The following SEPTIN11 variants were observed in gnomAD, a reference collection of about 807,000 sequenced individuals.
SEPTIN11 encodes septin-11.
In SEPTIN11, 25 loss-of-function variants were observed where a neutral mutation model predicts 51.4. The ratio of observed to expected loss-of-function variants is 0.49; its 90% confidence interval spans 0.35 to 0.68. The LOEUF is 0.68. Ranked by LOEUF, SEPTIN11 falls within the 30% of genes least tolerant of loss-of-function variation. The pLI, the probability that SEPTIN11 is intolerant of heterozygous loss-of-function variation, is 0.00. For synonymous variants in SEPTIN11, 174 were observed against 184.1 expected, an observed-to-expected ratio of 0.95 and a Z score of 0.44; for missense variants, 381 against 520.8, an observed-to-expected ratio of 0.73 and a Z score of 2.61.
At chr4:77,009,713 C>T (rs1363858378) in intron 3 of SEPTIN11, 2 of 152,244 alleles carry the variant, frequency 1.3e-5, no homozygotes, top group Non-Finnish European at 2.9e-5. Context: ...ATTTGGACTA[C>T]TATTGAGAGG....
chr4:76,967,215 T>C (rs1010535426), intron 1 of SEPTIN11, among the ~76,000 whole-genome samples: 3 of 152,116 alleles, frequency 2.0e-5, no homozygotes, highest in Non-Finnish European at 4.4e-5. Context: ...AAAGAAAAAG[T>C]GCTTAACCTG....
At chr4:77,009,254 G>A (rs1560729253) in intron 3 of SEPTIN11, among the ~76,000 whole-genome samples, 1 of 152,224 alleles carries the variant, frequency 6.6e-6, no homozygotes, top group Non-Finnish European at 1.5e-5. Flanking sequence ...TGGTGTGGGT[G>A]GTGGCCCACC....
At chr4:77,026,377 TA>T (rs1201376466) in intron 7 of SEPTIN11, among the ~76,000 whole-genome samples, 3 of 152,176 alleles carry the variant, frequency 2.0e-5, no homozygotes, top group Admixed American at 6.5e-5. Context: ...ACTAGCAAAC[TA>T]GTTGCATCAA....
chr4:77,010,764 G>A (rs1724806225), intron 3 of SEPTIN11, among the ~76,000 whole-genome samples: 1 of 152,188 alleles, frequency 6.6e-6, no homozygotes, highest in African/African-American at 2.4e-5. Flanking sequence ...AGGCAATAAA[G>A]TTTGGGGAGA....
intron 1 of SEPTIN11, 123 bp from the exon 2 acceptor site, chr4:76,996,302 T>TG (rs1247502312): frequency 5.4e-5 from 40 of 735,884 alleles, no homozygotes; most frequent in East Asian, 1.1e-4. Flanking sequence ...AAGGCAGCTG[T>TG]GGAGGGTCTC....
At chr4:76,996,293 A>C in intron 1 of SEPTIN11, 132 bp from the exon 2 acceptor site, 1 of 698,170 alleles carries the variant, frequency 1.4e-6, no homozygotes, top group South Asian at 1.9e-5. Flanking sequence ...GTAGAAGCCA[A>C]GGCAGCTGTG....
chr4:76,971,617 T>C (rs111408186), intron 1 of SEPTIN11, among the ~76,000 whole-genome samples: 20 of 152,340 alleles, frequency 1.3e-4, no homozygotes, highest in African/African-American at 4.3e-4. Flanking sequence ...TAAATCTTTC[T>C]ACGTATTGTG....
chr4:77,023,669 T>A lies in SEPTIN11; in HGVS notation c.953+2999T>A, dbSNP rs115257393. Among the ~76,000 whole-genome samples the A allele has an allele frequency of 5.4e-3, 825 of 152,286 alleles. 7 individuals are homozygous for A. The highest frequency in any genetic ancestry group is 0.019 in the African/African-American group (777 of 41,564). On this transcript the variant is annotated intron_variant, in intron 7 of 9. Transcript: ENST00000264893. ...ATAAGAAATGAATTTGATTTTCCTT[T>A]TCTTGGAAACCACTACTTTTAAAAG... is the stretch of plus-strand genomic sequence containing the variant.
At position 76,949,948 on chromosome 4, in the gene SEPTIN11, G is replaced by C; in HGVS notation, c.27+18G>C. On this transcript the variant is annotated intron_variant, in intron 1 of 9. Transcript: ENST00000264893. ...GACCGTCTGTGAGTGCTGGGGCCTC[G>C]CCTGCTGCTCCTCGGGCGCCGGGTG... 6.8e-7 allele frequency: 1 copy of C among 1,470,674 alleles called. No homozygotes were observed. The highest frequency in any genetic ancestry group is 9.0e-7 in the Non-Finnish European group (1 of 1,117,042). The allele number at this position is 1,470,674 out of a possible 1,614,324, so 91.1% of individuals were successfully genotyped here.
chr4:77,032,549 T>C (rs1726729674), intron 9 of SEPTIN11, among the ~76,000 whole-genome samples: 1 of 152,110 alleles, frequency 6.6e-6, no homozygotes, highest in South Asian at 2.1e-4. Flanking sequence ...ACCAAGGATA[T>C]AGGGGTGTGT....
chr4:77,018,578 T>G (rs1725476634), intron 5 of SEPTIN11, among the ~76,000 whole-genome samples: 1 of 152,220 alleles, frequency 6.6e-6, no homozygotes, highest in African/African-American at 2.4e-5. Context: ...TTTGTAAAAT[T>G]CACAGCTAAA....
intron 1 of SEPTIN11, among the ~76,000 whole-genome samples, chr4:76,994,007 T>C (rs1410229711): frequency 6.6e-6 from 1 of 152,180 alleles, no homozygotes; most frequent in Non-Finnish European, 1.5e-5. Flanking sequence ...CATAGGTGGA[T>C]ATCTGGTATC....
intron 1 of SEPTIN11, among the ~76,000 whole-genome samples, chr4:76,990,293 C>A (rs1723297710): frequency 6.6e-6 from 1 of 152,064 alleles, no homozygotes; most frequent in Non-Finnish European, 1.5e-5. Flanking sequence ...ATTTTATAAT[C>A]CTCTTGCTAG....
intron 9 of SEPTIN11, chr4:77,031,810 AT>A (rs1322192171): frequency 1.3e-5 from 2 of 152,198 alleles, no homozygotes; most frequent in African/African-American, 4.8e-5. Context: ...AATGACAAAT[AT>A]GCAGATGCCA....
intron 1 of SEPTIN11, among the ~76,000 whole-genome samples, chr4:76,991,095 T>C (rs577631385): frequency 6.6e-6 from 1 of 152,370 alleles, no homozygotes; most frequent in South Asian, 2.1e-4. Context: ...CTGGAATGCC[T>C]AGCAGCTGTA....
Position 76,975,234 on chromosome 4 carries a change from A to G in SEPTIN11, c.28-21191A>G, listed in dbSNP as rs573410287. The stretch of plus-strand genomic sequence containing the variant: ...CTCGTGTGTGTATCTCTAGGACTAA[A>G]GAATAACTAATGCCTTGCGGACAAC... On this transcript the variant is annotated intron_variant, in intron 1 of 9. Transcript: ENST00000264893. Among the ~76,000 whole-genome samples the G allele has an allele frequency of 5.5e-4, 84 of 152,288 alleles. 1 individual carries two copies. Among genetic ancestry groups the G allele is most frequent in the African/African-American group, 1.9e-3 (81 of 41,560 alleles).
At chr4:76,958,693 A>G (rs1235024678) in intron 1 of SEPTIN11, among the ~76,000 whole-genome samples, 6 of 152,150 alleles carry the variant, frequency 3.9e-5, no homozygotes, top group South Asian at 2.1e-4. Context: ...TTTCACTACT[A>G]TTTGTAAGAC....
intron 1 of SEPTIN11, among the ~76,000 whole-genome samples, chr4:76,952,805 A>G (rs866012352): frequency 2.0e-5 from 3 of 152,250 alleles, no homozygotes; most frequent in Non-Finnish European, 4.4e-5. Flanking sequence ...GATTAGCAAG[A>G]ACATTTTACT....
chr4:77,006,818 A>G lies in SEPTIN11; in HGVS notation c.338+1022A>G, dbSNP rs145755250. Reference sequence around the variant, plus strand: ...CGACTATTTTTATCTAGAAATGCCTAGATATATTTTATCTATGCCTGATAT... The same window carrying G: ...CGACTATTTTTATCTAGAAATGCCTGGATATATTTTATCTATGCCTGATAT... On this transcript the variant is annotated intron_variant, in intron 3 of 9. Transcript: ENST00000264893. 5.3e-5 allele frequency among the ~76,000 whole-genome samples: 8 copies of G among 152,324 alleles called. No homozygotes were observed. In the East Asian group the frequency reaches 1.5e-3, roughly 29 times the overall value.
Sources: allele counts gnomAD v4.1 joint callset (sites outside exome capture counted in the v4.1 genomes callset), GRCh38; gene constraint gnomAD v4.1.1; transcripts MANE v1.5; gene names NCBI Gene and HGNC (gene_info 2026-07-23, HGNC 2026-07-21).